The following GLIS1 variants were observed in gnomAD, a reference collection of about 807,000 sequenced individuals.
GLIS1 encodes the protein zinc finger protein GLIS1.
In GLIS1, 24 loss-of-function variants were observed where a neutral mutation model predicts 63.8. The ratio of observed to expected loss-of-function variants is 0.38; its 90% CI spans 0.27 to 0.53. The LOEUF (loss-of-function observed/expected upper bound fraction) is 0.53. Ranked by LOEUF, GLIS1 falls within the 20% of genes least tolerant of loss-of-function variation. GLIS1 has a pLI of 0.85. For synonymous variants in GLIS1, 450 were observed against 482.5 expected (o/e 0.93, Z 0.88); for missense variants, 1,036 against 1,074.1 (o/e 0.96, Z 0.50).
chr1:53,609,667 G>A (rs1429564590), intron 2 of GLIS1, among the ~76,000 whole-genome samples: 1 of 152,098 alleles, frequency 6.6e-6, no homozygotes, highest in Non-Finnish European at 1.5e-5. Context: ...TTATTAGCTT[G>A]TTAGATATAC....
intron 2 of GLIS1, among the ~76,000 whole-genome samples, chr1:53,691,954 T>C (rs1243924235): frequency 6.6e-6 from 1 of 152,098 alleles, no homozygotes; most frequent in Non-Finnish European, 1.5e-5. Flanking sequence ...GCAAGGCCCA[T>C]ATGGACAGGA....
intron 4 of GLIS1, among the ~76,000 whole-genome samples, chr1:53,572,755 G>C (rs1015128233): frequency 6.6e-6 from 1 of 152,212 alleles, no homozygotes; most frequent in African/African-American, 2.4e-5. Flanking sequence ...TGAGCTCTGG[G>C]GACAGAAACA....
intron 2 of GLIS1, among the ~76,000 whole-genome samples, chr1:53,697,080 A>G (rs1646473079): frequency 6.6e-6 from 1 of 152,218 alleles, no homozygotes; most frequent in Non-Finnish European, 1.5e-5. Context: ...ACTGAGGACT[A>G]CTTCTCTCAA....
intron 2 of GLIS1, among the ~76,000 whole-genome samples, chr1:53,651,518 G>A (rs956606962): frequency 6.6e-6 from 1 of 152,146 alleles, no homozygotes; most frequent in Non-Finnish European, 1.5e-5. Flanking sequence ...GTGGGTCTGG[G>A]GGGGCGACTG....
chr1:53,656,268 C>A (rs1368772344), intron 2 of GLIS1, among the ~76,000 whole-genome samples: 1 of 152,216 alleles, frequency 6.6e-6, no homozygotes, highest in African/African-American at 2.4e-5. Flanking sequence ...CACTCCACCC[C>A]AGAGGGGAGT....
chr1:53,596,097 G>C (rs1046705774), intron 3 of GLIS1, among the ~76,000 whole-genome samples: 2 of 152,248 alleles, frequency 1.3e-5, no homozygotes, highest in Non-Finnish European at 2.9e-5. Flanking sequence ...GAGAGCGAGG[G>C]TGGTGTATGT....
chr1:53,559,848 A>T (rs1569828669), intron 4 of GLIS1, among the ~76,000 whole-genome samples: 1 of 151,586 alleles, frequency 6.6e-6, no homozygotes, highest in Non-Finnish European at 1.5e-5. Flanking sequence ...ATATACACAC[A>T]CTCTATCACA....
chr1:53,528,605 C>T (rs1467334874), intron 5 of GLIS1, among the ~76,000 whole-genome samples: 2 of 152,156 alleles, frequency 1.3e-5, no homozygotes, highest in Non-Finnish European at 2.9e-5. Flanking sequence ...TTTCTGGGCA[C>T]TGAATCTTTT....
intron 2 of GLIS1, among the ~76,000 whole-genome samples, chr1:53,672,348 C>T (rs1048467109): frequency 2.6e-5 from 4 of 152,182 alleles, no homozygotes; most frequent in Non-Finnish European, 4.4e-5. Context: ...GAAATGGAAC[C>T]ATTCTACCCA....
intron 2 of GLIS1, among the ~76,000 whole-genome samples, chr1:53,633,377 TGA>T (rs1645689137): frequency 6.9e-6 from 1 of 144,532 alleles, no homozygotes; most frequent in Non-Finnish European, 1.5e-5. Flanking sequence ...TGAGTGTGAC[TGA>T]GGGGCTTGTG....
At chr1:53,695,076 C>G (rs1030511090) in intron 2 of GLIS1, among the ~76,000 whole-genome samples, 4 of 151,602 alleles carry the variant, frequency 2.6e-5, no homozygotes, top group African/African-American at 9.7e-5. Context: ...ACAGTAGGCC[C>G]GCATCTGTTT....
intron 2 of GLIS1, among the ~76,000 whole-genome samples, chr1:53,621,518 G>A (rs1338664448): frequency 2.0e-5 from 3 of 152,222 alleles, no homozygotes; most frequent in South Asian, 2.1e-4. Flanking sequence ...TGACCAATTC[G>A]TCAAAAGCCA....
rs143222483 is a variant in GLIS1, at chr1:53,520,813, C to A, written c.1594-47G>T. 104 of 1,547,692 alleles carry A rather than the reference C, an allele frequency of 6.7e-5. No individual in the cohort carries two copies. In the African/African-American group the frequency reaches 1.3e-3, roughly 19 times the overall value. On this transcript the variant is annotated intron_variant, in intron 6 of 10. Coordinates refer to ENST00000628545, the MANE Select transcript of GLIS1 (RefSeq NM_001367484.1). Reference sequence around the variant, plus strand: ...AGGAGGTGTTAGTGTGAGACCCCTGCCCACCAGCAACCCTCACGTTAGGGG... The same window carrying A: ...AGGAGGTGTTAGTGTGAGACCCCTGACCACCAGCAACCCTCACGTTAGGGG...
rs78550941 is a variant in GLIS1 at position 53,570,285 on chromosome 1, A to T, written c.1320+23823T>A. Among the ~76,000 whole-genome samples the T allele has an allele frequency of 3.0e-3, 224 of 75,162 alleles. 1 individual carries two copies. Among genetic ancestry groups the T allele is most frequent in the African/African-American group, 0.024 (202 of 8,292 alleles). 49.3% of individuals were successfully genotyped at this position (75,162 alleles called of 152,430 possible). The stretch of plus-strand genomic sequence containing the variant: ...GCGAGCACCATTCTTGGCTAATTTA[A>T]AAAAAAAAAAAATTGTTTAGAGATG... On this transcript the variant is annotated intron_variant, in intron 4 of 10. Coordinates refer to ENST00000628545, the MANE Select transcript of GLIS1 (RefSeq NM_001367484.1).
At chr1:53,650,810 C>T (rs1389299051) in intron 2 of GLIS1, among the ~76,000 whole-genome samples, 5 of 152,162 alleles carry the variant, frequency 3.3e-5, no homozygotes, top group South Asian at 2.1e-4. Flanking sequence ...GATCTCACCC[C>T]GTCTGCCCAC....
At chr1:53,633,171 G>A (rs575160663) in intron 2 of GLIS1, among the ~76,000 whole-genome samples, 41 of 150,156 alleles carry the variant, frequency 2.7e-4, no homozygotes, top group African/African-American at 9.1e-4. Flanking sequence ...TGTGACCGAG[G>A]GGCATGTGAA....
intron 10 of GLIS1, among the ~76,000 whole-genome samples, chr1:53,507,704 G>A (rs1395420823): frequency 2.0e-5 from 3 of 152,306 alleles, no homozygotes; most frequent in East Asian, 1.9e-4. Flanking sequence ...GCAGCTGAGC[G>A]GGCCTGGAGT....
intron 4 of GLIS1, among the ~76,000 whole-genome samples, chr1:53,548,182 T>C (rs1242380812): frequency 6.6e-6 from 1 of 152,194 alleles, no homozygotes; most frequent in East Asian, 1.9e-4. Flanking sequence ...AGGGCCGTTC[T>C]GGCTCTGGCA....
intron 4 of GLIS1, among the ~76,000 whole-genome samples, chr1:53,567,753 T>C (rs1369563708): frequency 6.6e-6 from 1 of 152,240 alleles, no homozygotes; most frequent in Non-Finnish European, 1.5e-5. Context: ...GTCAGGTCAT[T>C]GCTTCAGAGG....
Sources: gnomAD v4.1 joint callset for allele counts (sites outside exome capture counted in the v4.1 genomes callset) on GRCh38, gnomAD v4.1.1 for gene constraint, MANE v1.5 for transcripts, NCBI Gene and HGNC (gene_info 2026-07-23, HGNC 2026-07-21) for gene names.